SLC16A12: variants seen among roughly 807,000 people sequenced by gnomAD.
SLC16A12 encodes solute carrier family 16 member 12.
In SLC16A12, 17 loss-of-function variants were observed where a neutral mutation model predicts 42.4. The observed-to-expected ratio is 0.40, with a 90% CI of 0.27 to 0.60. The LOEUF (loss-of-function observed/expected upper bound fraction) is 0.60. Among genes scored for constraint, SLC16A12 ranks in the 20% least tolerant of loss-of-function variants. The pLI, the probability that SLC16A12 is intolerant of heterozygous loss-of-function variation, is 0.42. For synonymous variants in SLC16A12, 224 were observed against 229.4 expected, an observed-to-expected ratio of 0.98 and a Z score of 0.21; for missense variants, 544 against 623.0, an observed-to-expected ratio of 0.87 and a Z score of 1.35.
intron 5 of SLC16A12, among the ~76,000 whole-genome samples, chr10:89,440,646 A>C (rs1841892172): frequency 1.3e-5 from 2 of 152,224 alleles, no homozygotes; most frequent in Admixed American, 1.3e-4. Flanking sequence ...TTGAGAAAGA[A>C]TGTGTAATAT....
chr10:89,474,078 C>T (rs1022999880), intron 2 of SLC16A12, among the ~76,000 whole-genome samples: 2 of 152,158 alleles, frequency 1.3e-5, no homozygotes, highest in African/African-American at 2.4e-5. Context: ...CCTTCAAATT[C>T]CTTTCTTCCA....
chr10:89,445,830 AC>A (rs1456924137), intron 3 of SLC16A12, among the ~76,000 whole-genome samples: 3 of 152,202 alleles, frequency 2.0e-5, no homozygotes, highest in African/African-American at 7.2e-5. Context: ...GGATGTTCGA[AC>A]CCATCACAAG....
chr10:89,529,273 A>C (rs1843502937), intron 2 of SLC16A12, among the ~76,000 whole-genome samples: 1 of 152,160 alleles, frequency 6.6e-6, no homozygotes, highest in Non-Finnish European at 1.5e-5. Context: ...CCATCAAGCA[A>C]AGTGGAATCC....
In SLC16A12 at chr10:89,430,515, T is replaced by C; in HGVS notation, c.*2549A>G. ...TTTAAGATGTAAAATTATCCCACTA[T>C]AATTTTGTTCTTGATTCCACAAAAT... On this transcript the variant is annotated 3_prime_UTR_variant, in exon 8 of 8. Coordinates refer to ENST00000371790, the MANE Select transcript of SLC16A12 (RefSeq NM_213606.4). 1 of 413,892 alleles carries C rather than the reference T, an allele frequency of 2.4e-6. No individual in the cohort carries two copies. Among genetic ancestry groups the C allele is most frequent in the Non-Finnish European group, 4.7e-6 (1 of 211,320 alleles). The allele number at this position is 413,892 out of a possible 1,614,324, so 25.6% of individuals were successfully genotyped here. A position where few individuals can be genotyped will look rare whatever the true frequency, so the allele number is the denominator to read the frequency against.
intron 2 of SLC16A12, among the ~76,000 whole-genome samples, chr10:89,498,122 C>T (rs1272521113): frequency 3.3e-5 from 5 of 151,898 alleles, no homozygotes; most frequent in Admixed American, 6.6e-5. Context: ...GGCAACATGG[C>T]GAAACCCAAA....
intron 2 of SLC16A12, among the ~76,000 whole-genome samples, chr10:89,466,704 G>A (rs1332558218): frequency 1.3e-5 from 2 of 152,220 alleles, no homozygotes; most frequent in African/African-American, 4.8e-5. Context: ...ATGGAGCCAA[G>A]CAGCAGTGTC....
At chr10:89,487,103 T>C (rs1360895223) in intron 2 of SLC16A12, among the ~76,000 whole-genome samples, 1 of 152,218 alleles carries the variant, frequency 6.6e-6, no homozygotes, top group Non-Finnish European at 1.5e-5. Flanking sequence ...AGCTGTGGGC[T>C]CTGCGGATTC....
rs1163333682 is a variant in SLC16A12, at chr10:89,430,856, T to TA, written c.*2207dup. On this transcript the variant is annotated 3_prime_UTR_variant, in exon 8 of 8. Coordinates refer to ENST00000371790, the MANE Select transcript of SLC16A12 (RefSeq NM_213606.4). ...AAACAAAATTTTGTTGTGATCATGATAAAAAATATGTATAAGAATATTTGT... is the reference window on the plus strand; with the variant it reads ...AAACAAAATTTTGTTGTGATCATGATAAAAAAATATGTATAAGAATATTTGT... 9 of 381,468 alleles carry TA rather than the reference T, an allele frequency of 2.4e-5. No individual in the cohort carries two copies. Among genetic ancestry groups the TA allele is most frequent in the South Asian group, 1.8e-4 (9 of 51,056 alleles). 23.6% of individuals were successfully genotyped at this position (381,468 alleles called of 1,614,324 possible).
At chr10:89,485,689 G>A (rs1402336024) in intron 2 of SLC16A12, among the ~76,000 whole-genome samples, 3 of 152,190 alleles carry the variant, frequency 2.0e-5, no homozygotes, top group Non-Finnish European at 4.4e-5. Context: ...CCCATGGAAA[G>A]GGGAAGAACA....
intron 2 of SLC16A12, among the ~76,000 whole-genome samples, chr10:89,491,635 A>T (rs752646453): frequency 2.0e-5 from 3 of 151,926 alleles, no homozygotes; most frequent in Non-Finnish European, 4.4e-5. Context: ...TGCCTGGGGG[A>T]GGAGGTAAGA....
rs1323194121 is a variant in SLC16A12, at chr10:89,506,402, G to T, written c.-47+28099C>A. ...ATCAGGCAGCAATATTTGCTGTTCC[G>T]CAGCCTCCGCTGGTGATACCTGGCA... On this transcript the variant is annotated intron_variant, in intron 2 of 7. Transcript: ENST00000371790. Among the ~76,000 whole-genome samples the T allele has an allele frequency of 2.6e-5, 4 of 152,138 alleles. No homozygotes were observed. In the East Asian group the frequency reaches 5.8e-4, roughly 22 times the overall value.
At chr10:89,515,694 C>T (rs1200603235) in intron 2 of SLC16A12, among the ~76,000 whole-genome samples, 1 of 152,004 alleles carries the variant, frequency 6.6e-6, no homozygotes. Flanking sequence ...TTGTGTTGCC[C>T]AAAGAAAACC....
chr10:89,466,851 A>G (rs1261633697), intron 2 of SLC16A12, among the ~76,000 whole-genome samples: 1 of 152,156 alleles, frequency 6.6e-6, no homozygotes, highest in Non-Finnish European at 1.5e-5. Flanking sequence ...AAGATTTTCA[A>G]CTTCTGCCCA....
At chr10:89,525,969 C>T (rs1257208422) in intron 2 of SLC16A12, among the ~76,000 whole-genome samples, 1 of 152,114 alleles carries the variant, frequency 6.6e-6, no homozygotes, top group Non-Finnish European at 1.5e-5. Context: ...GTCTGAATTG[C>T]CAAATTCACT....
At chr10:89,473,292 T>A (rs1842529229) in intron 2 of SLC16A12, among the ~76,000 whole-genome samples, 1 of 152,192 alleles carries the variant, frequency 6.6e-6, no homozygotes, top group Non-Finnish European at 1.5e-5. Flanking sequence ...CAAAACAGTG[T>A]GATATTGGCA....
chr10:89,536,295 C>A (rs967947084), upstream of SLC16A12, among the ~76,000 whole-genome samples: 5 of 152,182 alleles, frequency 3.3e-5, no homozygotes, highest in Non-Finnish European at 7.3e-5. Context: ...CATTTCACAG[C>A]ACAGGAAACT....
At chr10:89,492,153 T>A (rs1213586811) in intron 2 of SLC16A12, among the ~76,000 whole-genome samples, 5 of 152,164 alleles carry the variant, frequency 3.3e-5, no homozygotes, top group Non-Finnish European at 5.9e-5. Flanking sequence ...ATGTCATTTG[T>A]TTTACAAACA....
chr10:89,443,686 A>G, intron 4 of SLC16A12, 70 bp downstream of exon 4: 1 of 1,105,576 alleles, frequency 9.0e-7, no homozygotes. Flanking sequence ...AATCAAAGTC[A>G]GTGGAATGTC....
At chr10:89,472,540 T>C (rs554676639) in intron 2 of SLC16A12, among the ~76,000 whole-genome samples, 1 of 142,048 alleles carries the variant, frequency 7.0e-6, no homozygotes, top group East Asian at 2.1e-4. Context: ...TTGCCCAGGC[T>C]GGAGTGCAGT....
Sources: allele counts gnomAD v4.1 joint callset (sites outside exome capture counted in the v4.1 genomes callset), GRCh38; gene constraint gnomAD v4.1.1; transcripts MANE v1.5; gene names NCBI Gene and HGNC (gene_info 2026-07-23, HGNC 2026-07-21).